ATAD1: variants seen among roughly 807,000 people sequenced by gnomAD.
The protein encoded by ATAD1 is ATPase family AAA domain containing 1.
A neutral mutation model predicts 42.7 loss-of-function variants in ATAD1; 18 were observed. That is an observed-to-expected ratio of 0.42 (90% CI 0.29 to 0.63). The LOEUF (loss-of-function observed/expected upper bound fraction) is 0.63. Ranked by LOEUF, ATAD1 falls within the 20% of genes least tolerant of loss-of-function variation. The probability of loss-of-function intolerance (pLI) is 0.19; values close to 1 mark genes in which losing one functional copy is unlikely to be tolerated. For missense variants in ATAD1, 294 were observed against 440.4 expected (o/e 0.67, Z 2.98); for synonymous variants, 132 against 143.1 (o/e 0.92, Z 0.55).
At chr10:87,778,556 A>G (rs1855422932) in intron 5 of ATAD1, among the ~76,000 whole-genome samples, 1 of 152,196 alleles carries the variant, frequency 6.6e-6, no homozygotes, top group African/African-American at 2.4e-5. Context: ...TTAATACAGT[A>G]TTTTACATAA....
chr10:87,815,627 CT>C (rs2132070158), intron 1 of ATAD1, among the ~76,000 whole-genome samples: 1 of 152,176 alleles, frequency 6.6e-6, no homozygotes, highest in South Asian at 2.1e-4. Context: ...CCTTCCAGCT[CT>C]AAAATTCTCC....
In ATAD1 at chr10:87,771,032, T is replaced by G. The variant is rs770722824; in HGVS notation, c.700A>C (p.Met234Leu). 1.9e-6 allele frequency: 3 copies of G among 1,612,444 alleles called. No individual in the cohort carries two copies. The African/African-American group carries it at 4.0e-5, about 22-fold the overall frequency. ...DTDHSCQVIV[M>L]GATNRPQDLD... Reference sequence around the variant, plus strand: ...TCCTGAGGACGATTGGTAGCTCCCATTACTATGACCTAAGTGTATAAAGAA... The same window carrying G: ...TCCTGAGGACGATTGGTAGCTCCCAGTACTATGACCTAAGTGTATAAAGAA... The change falls in exon 7 of 10, where the codon ATG becomes CTG. Residue 234 changes from methionine to leucine, a missense_variant. Around this residue, in one of 3 missense-constraint regions of ATAD1, gnomAD observed 142 missense variants for 174.6 expected, o/e 0.81. Coordinates refer to ENST00000680024, the MANE Select transcript of ATAD1 (RefSeq NM_001321967.2).
intron 1 of ATAD1, among the ~76,000 whole-genome samples, chr10:87,834,093 T>C (rs1564791707): frequency 1.3e-5 from 2 of 152,202 alleles, no homozygotes; most frequent in African/African-American, 4.8e-5. Flanking sequence ...GTGGATTACA[T>C]TGATTGATCT....
chr10:87,835,172 A>T (rs538694116), intron 1 of ATAD1, among the ~76,000 whole-genome samples: 1 of 152,210 alleles, frequency 6.6e-6, no homozygotes, highest in South Asian at 2.1e-4. Context: ...GTGCTGTGCC[A>T]TGTACATTTT....
chr10:87,769,310 C>T (rs1854918267), intron 7 of ATAD1, among the ~76,000 whole-genome samples: 1 of 152,172 alleles, frequency 6.6e-6, no homozygotes, highest in African/African-American at 2.4e-5. Flanking sequence ...GTGCTGCGCT[C>T]ACCAAACTAC....
Position 87,818,180 on chromosome 10 carries a change from C to T in ATAD1, c.-27G>A, listed in dbSNP as rs1240458236. The T allele has an allele frequency of 3.0e-6, 3 of 985,696 alleles. No individual in the cohort carries two copies. Among genetic ancestry groups the T allele is most frequent in the African/African-American group, 1.7e-5 (1 of 57,376 alleles). 61.1% of individuals were successfully genotyped at this position (985,696 alleles called of 1,614,324 possible). A position where few individuals can be genotyped will look rare whatever the true frequency, so the allele number is the denominator to read the frequency against. ...CCAGCTACTCACCCAGGGGCAGAAA[C>T]AGCAAGAGCAAGTGCCCTCAGCCGG... is the stretch of plus-strand genomic sequence containing the variant. On this transcript the variant is annotated 5_prime_UTR_variant, in exon 1 of 10. Coordinates refer to ENST00000680024, the MANE Select transcript of ATAD1 (RefSeq NM_001321967.2).
chr10:87,782,153 T>C (rs1855594724), intron 5 of ATAD1, among the ~76,000 whole-genome samples: 1 of 152,190 alleles, frequency 6.6e-6, no homozygotes, highest in Non-Finnish European at 1.5e-5. Context: ...AAGGATAGAT[T>C]ACTTACAAAT....
At chr10:87,760,381 T>A (rs34325090) in intron 8 of ATAD1, among the ~76,000 whole-genome samples, 44,652 of 152,056 alleles carry the variant, frequency 0.29, 6,772 homozygotes, top group Non-Finnish European at 0.31. Context: ...CTCCCACTCC[T>A]GCTCTGCCAT....
chr10:87,825,239 G>A (rs1356230693), intron 1 of ATAD1, among the ~76,000 whole-genome samples: 2 of 151,522 alleles, frequency 1.3e-5, no homozygotes, highest in Non-Finnish European at 2.9e-5. Flanking sequence ...AAAGTGAGAC[G>A]CTGAACAAGC....
chr10:87,778,136 G>C (rs1403791915), intron 5 of ATAD1, among the ~76,000 whole-genome samples: 1 of 138,170 alleles, frequency 7.2e-6, no homozygotes, highest in East Asian at 2.2e-4. Flanking sequence ...ATTGTGAGTG[G>C]ATTAAAGTCT....
chr10:87,792,931 T>C (rs994936579), intron 2 of ATAD1, among the ~76,000 whole-genome samples, 176 bp from the exon 3 acceptor site: 3 of 152,186 alleles, frequency 2.0e-5, no homozygotes, highest in African/African-American at 7.2e-5. Context: ...AGGTAACGAT[T>C]TGAGGCTCTA....
At chr10:87,775,141 C>T (rs2131834808) in intron 6 of ATAD1, among the ~76,000 whole-genome samples, 1 of 151,786 alleles carries the variant, frequency 6.6e-6, no homozygotes, top group East Asian at 1.9e-4. Context: ...CTAAAGTTGG[C>T]TGGGCGCAGT....
At chr10:87,780,972 G>T (rs1855534196) in intron 5 of ATAD1, among the ~76,000 whole-genome samples, 1 of 152,112 alleles carries the variant, frequency 6.6e-6, no homozygotes, top group Non-Finnish European at 1.5e-5. Context: ...GTCTCTTTCA[G>T]GTATGAAGTC....
At chr10:87,781,651 T>G (rs1250372576) in intron 5 of ATAD1, among the ~76,000 whole-genome samples, 1 of 151,888 alleles carries the variant, frequency 6.6e-6, no homozygotes, top group Non-Finnish European at 1.5e-5. Context: ...TGAAGAATTT[T>G]TTTTTTGAAG....
chr10:87,810,977 G>T (rs907794343), intron 2 of ATAD1, among the ~76,000 whole-genome samples: 2 of 152,132 alleles, frequency 1.3e-5, no homozygotes, highest in Admixed American at 1.3e-4. Context: ...TTAGCTTTCT[G>T]AAATTTTTGC....
At chr10:87,761,828 T>G (rs1460610750) in intron 8 of ATAD1, among the ~76,000 whole-genome samples, 1 of 152,082 alleles carries the variant, frequency 6.6e-6, no homozygotes, top group African/African-American at 2.4e-5. Flanking sequence ...AATGCAGTGG[T>G]GCATCCACTG....
At chr10:87,800,555 C>T (rs866551828) in intron 2 of ATAD1, among the ~76,000 whole-genome samples, 7 of 151,744 alleles carry the variant, frequency 4.6e-5, no homozygotes, top group African/African-American at 1.7e-4. Flanking sequence ...TTTATTGAAA[C>T]AATTCTATGC....
At chr10:87,836,335 G>C (rs1857929737) in intron 1 of ATAD1, among the ~76,000 whole-genome samples, 1 of 152,080 alleles carries the variant, frequency 6.6e-6, no homozygotes, top group Non-Finnish European at 1.5e-5. Flanking sequence ...CCGTCTGTCT[G>C]AAGAACTTCC....
chr10:87,811,680 A>G (rs1857192014), intron 2 of ATAD1, among the ~76,000 whole-genome samples: 2 of 152,282 alleles, frequency 1.3e-5, no homozygotes, highest in Middle Eastern at 3.4e-3. Context: ...AAGTTCTACA[A>G]ATGATATCTA....
Sources: gnomAD v4.1 joint callset for allele counts (sites outside exome capture counted in the v4.1 genomes callset) on GRCh38, gnomAD v4.1.1 for gene constraint, gnomAD v4.1.1 regional missense constraint, MANE v1.5 for transcripts, NCBI Gene and HGNC (gene_info 2026-07-23, HGNC 2026-07-21) for gene names.